The following BAIAP3 variants were observed in gnomAD, a reference collection of about 807,000 sequenced individuals.
The protein encoded by BAIAP3 is BAI1 associated protein 3.
BAIAP3 carries 180 observed loss-of-function variants against 149.7 expected under a neutral mutation model. The ratio of observed to expected loss-of-function variants is 1.20; its 90% CI spans 1.07 to 1.36. The LOEUF is 1.36. BAIAP3 is among the 40% of genes most tolerant of loss of function. The pLI, the probability that BAIAP3 is intolerant of heterozygous loss-of-function variation, is 0.00. For synonymous variants in BAIAP3, 845 were observed against 670.7 expected, an observed-to-expected ratio of 1.26 and a Z score of -4.02; for missense variants, 1,767 against 1,563.4, an observed-to-expected ratio of 1.13 and a Z score of -2.20.
chr16:1,349,263 C>G lies in BAIAP3; in HGVS notation c.*781C>G. ...GCTTCTTGGCCTGCAGCTTCATTTG[C>G]GAGAGCGCCGAGGCAGGACACAGAG... On this transcript the variant is annotated 3_prime_UTR_variant, in exon 34 of 34. Coordinates refer to ENST00000426824, the MANE Select transcript of BAIAP3 (RefSeq NM_001199097.2). 1 of 731,372 alleles carries G rather than the reference C, an allele frequency of 1.4e-6. No individual in the cohort carries two copies. Among genetic ancestry groups the G allele is most frequent in the Non-Finnish European group, 2.4e-6 (1 of 423,336 alleles). The allele number at this position is 731,372 out of a possible 1,614,324, so 45.3% of individuals were successfully genotyped here. A position where few individuals can be genotyped will look rare whatever the true frequency, so the allele number is the denominator to read the frequency against.
At chr16:1,343,603 C>G (rs908220638) in intron 15 of BAIAP3, 90 bp downstream of exon 15, 163 of 1,521,238 alleles carry the variant, frequency 1.1e-4, no homozygotes, top group Non-Finnish European at 1.4e-4. Flanking sequence ...GGGGCAGAGT[C>G]CTGCCCGCGT....
intron 5 of BAIAP3, among the ~76,000 whole-genome samples, chr16:1,340,675 C>T (rs2098256603): frequency 6.6e-6 from 1 of 152,246 alleles, no homozygotes; most frequent in South Asian, 2.1e-4. Flanking sequence ...TCTGAACTCC[C>T]CTGTCCTCCC....
intron 8 of BAIAP3, 28 bp from the exon 9 acceptor site, chr16:1,341,794 C>G (rs780874672): frequency 6.2e-7 from 1 of 1,608,756 alleles, no homozygotes; most frequent in East Asian, 2.2e-5. Flanking sequence ...GCCGGGGACC[C>G]TCATGGGCAT....
Position 1,347,880 on chromosome 16 carries a change from C to G in BAIAP3, c.3026-14C>G. 1 of 1,610,818 alleles carries G rather than the reference C, an allele frequency of 6.2e-7. No homozygotes were observed. Among genetic ancestry groups the G allele is most frequent in the Non-Finnish European group, 8.5e-7 (1 of 1,179,556 alleles). On this transcript the variant is annotated splice_polypyrimidine_tract_variant and intron_variant, in intron 31 of 33. Coordinates refer to ENST00000426824, the MANE Select transcript of BAIAP3 (RefSeq NM_001199097.2). ...GGGATGGGGGCAGGGGGGCTCACGA[C>G]TGTGCTCCTGCAGGCTTAAGTGACC... is the stretch of plus-strand genomic sequence containing the variant.
rs1253470273 is a variant in BAIAP3, at chr16:1,345,008, C to T, written c.1849C>T (p.Pro617Ser). Residue 617 changes from proline to serine, a missense_variant, in exon 21 of 34, where the codon CCC (proline) becomes TCC (serine). Physicochemically the swap from Pro to Ser is moderately conservative, Grantham distance 74. Transcript: ENST00000426824. The stretch of plus-strand genomic sequence containing the variant: ...GTGGGTGCTGACGGAGGAGCTGAGC[C>T]CCAAGATGACCCTGGAGGTGGCCTC... ...EAWVLTEELS[P>S]KMTLEVASGL... 1 of 1,612,704 alleles carries T rather than the reference C, an allele frequency of 6.2e-7. No individual in the cohort carries two copies. The highest frequency in any genetic ancestry group is 1.7e-5 in the Admixed American group (1 of 60,030).
At position 1,348,528 on chromosome 16, in the gene BAIAP3, C is replaced by T; in HGVS notation, c.*46C>T. ...GGCCCTGGCCCCCACCCCAAGTTCC[C>T]TGAAGCATCCTCCAGCTCACTGTGG... On this transcript the variant is annotated 3_prime_UTR_variant, in exon 34 of 34. Transcript: ENST00000426824. The T allele has an allele frequency of 2.6e-6, 4 of 1,537,262 alleles. No homozygotes were observed. In the South Asian group the frequency reaches 4.7e-5, roughly 18 times the overall value.
At chr16:1,341,241 C>T (rs1388624313) in intron 7 of BAIAP3, 46 bp downstream of exon 7, 2 of 1,606,050 alleles carry the variant, frequency 1.2e-6, no homozygotes, top group Middle Eastern at 1.7e-4. Context: ...GGCCTGGCGG[C>T]CATGGAGGGC....
intron 4 of BAIAP3, 59 bp downstream of exon 4, chr16:1,339,303 T>G: frequency 6.5e-7 from 1 of 1,539,026 alleles, no homozygotes; most frequent in East Asian, 2.4e-5. Flanking sequence ...CCTCAGCCGT[T>G]TAGAGGCACC....
rs891288975 is a variant in BAIAP3 at position 1,346,026 on chromosome 16, G to A, written c.2249G>A (p.Arg750Gln). The A allele has an allele frequency of 1.7e-5, 27 of 1,611,406 alleles. No individual in the cohort carries two copies. Among genetic ancestry groups the A allele is most frequent in the East Asian group, 2.2e-5 (1 of 44,830 alleles). ...ACCCTCTTCTATACGGAGCTGCTTC[G>A]GAAGAAGGTGGACACTCAGCCAGGG... is the stretch of plus-strand genomic sequence containing the variant. ...EATLFYTELL[R>Q]KKVDTQPGAA... Residue 750 changes from arginine (R) to glutamine (Q), a missense_variant, in exon 24 of 34, where the codon CGG (arginine) becomes CAG (glutamine). Physicochemically the swap from Arg to Gln is conservative, Grantham distance 43. Transcript: ENST00000426824.
In BAIAP3 at chr16:1,344,781, T is replaced by C. The variant is rs1279875772; in HGVS notation, c.1758-17T>C. ...AGGTGGGGCGCAGGTGGATGAGGTG[T>C]GTCCCTTGCTCTGCAGCATCCTCAA... On this transcript the variant is annotated splice_polypyrimidine_tract_variant and intron_variant, in intron 19 of 33. Transcript: ENST00000426824. The C allele has an allele frequency of 1.1e-5, 18 of 1,613,776 alleles. No individual in the cohort carries two copies. The highest frequency in any genetic ancestry group is 1.5e-5 in the Non-Finnish European group (18 of 1,179,998).
chr16:1,341,040 C>T (rs563106863), intron 6 of BAIAP3, 59 bp downstream of exon 6: 59 of 1,610,116 alleles, frequency 3.7e-5, no homozygotes, highest in African/African-American at 2.3e-4. Flanking sequence ...GGCGGGGGCA[C>T]GGGGCAAGGC....
At chr16:1,346,565 AGGT>A in intron 26 of BAIAP3, 37 bp from the exon 27 acceptor site, 1 of 1,575,288 alleles carries the variant, frequency 6.3e-7, no homozygotes, top group Non-Finnish European at 8.6e-7. Flanking sequence ...GGTAGGGCAG[AGGT>A]GCGGGGTAAG....
chr16:1,348,645 GTC>G lies in BAIAP3; in HGVS notation c.*165_*166del, dbSNP rs1312902778. 1 of 703,448 alleles carries G rather than the reference GTC, an allele frequency of 1.4e-6. No individual in the cohort carries two copies. Among genetic ancestry groups the G allele is most frequent in the Non-Finnish European group, 2.4e-6 (1 of 416,482 alleles). The allele number at this position is 703,448 out of a possible 1,614,324, so 43.6% of individuals were successfully genotyped here. On this transcript the variant is annotated 3_prime_UTR_variant, in exon 34 of 34. Coordinates refer to ENST00000426824, the MANE Select transcript of BAIAP3 (RefSeq NM_001199097.2). ...CCGCGGCGCCTACCGCCCTGGCCGT[GTC>G]TGTCTGGTGTGTGCTGTGAACCCCT...
intron 28 of BAIAP3, 41 bp from the exon 29 acceptor site, chr16:1,347,257 G>T (rs1408617320): frequency 6.3e-7 from 1 of 1,599,070 alleles, no homozygotes; most frequent in South Asian, 1.1e-5. Flanking sequence ...CCCAGCACAA[G>T]CCAGGCTCCC....
chr16:1,340,812 T>G, intron 5 of BAIAP3, 110 bp from the exon 6 acceptor site: 1 of 1,186,224 alleles, frequency 8.4e-7, no homozygotes, highest in Non-Finnish European at 1.2e-6. Flanking sequence ...CCTGCACCCG[T>G]GAGGACTGAG....
intron 1 of BAIAP3, chr16:1,334,395 T>G: frequency 6.6e-5 from 33 of 497,134 alleles, no homozygotes; most frequent in East Asian, 1.1e-4. Context: ...GAGACCCCCA[T>G]AGAACTGGGG....
chr16:1,339,728 G>A, intron 5 of BAIAP3, 125 bp downstream of exon 5: 1 of 796,890 alleles, frequency 1.3e-6, no homozygotes. Context: ...ACAGCACACA[G>A]AGACGGCTGC....
rs755611794 is a variant in BAIAP3 at position 1,349,410 on chromosome 16, C to T, written c.*928C>T. 1.8e-5 allele frequency: 29 copies of T among 1,613,094 alleles called. No homozygotes were observed. The South Asian group carries it at 2.0e-4, about 11-fold the overall frequency. Reference sequence around the variant, plus strand: ...GTCTCTAGATTTTCTCGTCACCCAGCCTCAAAAATATATGTGTCTGCAACC... The same window carrying T: ...GTCTCTAGATTTTCTCGTCACCCAGTCTCAAAAATATATGTGTCTGCAACC... On this transcript the variant is annotated 3_prime_UTR_variant, in exon 34 of 34. Coordinates refer to ENST00000426824, the MANE Select transcript of BAIAP3 (RefSeq NM_001199097.2).
chr16:1,334,060 TC>T (rs987380402), intron 1 of BAIAP3, among the ~76,000 whole-genome samples: 3 of 150,556 alleles, frequency 2.0e-5, no homozygotes, highest in African/African-American at 4.9e-5. Context: ...GGCGACGGCC[TC>T]CCCCGCACTT....
Sources: gnomAD v4.1 joint callset for allele counts (sites outside exome capture counted in the v4.1 genomes callset) on GRCh38, gnomAD v4.1.1 for gene constraint, MANE v1.5 for transcripts, NCBI Gene and HGNC (gene_info 2026-07-23, HGNC 2026-07-21) for gene names.